KCNMA1: variants seen among roughly 807,000 people sequenced by gnomAD.
The protein encoded by KCNMA1 is potassium calcium-activated channel subfamily M alpha 1.
Under a neutral mutation model 140.0 loss-of-function variants are expected in KCNMA1, and 29 were observed. The observed-to-expected ratio is 0.21, with a 90% CI of 0.15 to 0.28. KCNMA1 has a LOEUF of 0.28. Ranked by LOEUF, KCNMA1 falls within the 10% of genes least tolerant of loss-of-function variation. KCNMA1 has a pLI of 1.00. For missense variants in KCNMA1, 880 were observed against 1,602.2 expected (o/e 0.55, Z 7.70); for synonymous variants, 612 against 611.9 (o/e 1.00, Z 0.00).
intron 1 of KCNMA1, among the ~76,000 whole-genome samples, chr10:77,586,878 T>C (rs987363845): frequency 6.6e-6 from 1 of 152,218 alleles, no homozygotes; most frequent in African/African-American, 2.4e-5. Context: ...GATCTGTTTT[T>C]ATTGCTGGAC....
intron 5 of KCNMA1, among the ~76,000 whole-genome samples, chr10:77,158,543 C>T (rs969356064): frequency 2.0e-5 from 3 of 152,080 alleles, no homozygotes; most frequent in African/African-American, 4.8e-5. Context: ...CATAGTCCCC[C>T]CCTCCATGAT....
chr10:77,027,822 C>T lies in KCNMA1; in HGVS notation c.1928+1G>A. The T allele has an allele frequency of 1.2e-6, 2 of 1,613,760 alleles. No individual in the cohort carries two copies. Among genetic ancestry groups the T allele is most frequent in the Non-Finnish European group, 1.7e-6 (2 of 1,179,724 alleles). On this transcript the variant is annotated splice_donor_variant, in intron 16 of 27. Transcript: ENST00000286628. LOFTEE classifies it high-confidence loss of function. ...TGGCTGCTGGGTCACCGCAAACTTA[C>T]CGGCTCTCTCGGTTGGCAGACTTGT...
chr10:77,452,236 G>A (rs750388913), intron 1 of KCNMA1, among the ~76,000 whole-genome samples: 1 of 152,174 alleles, frequency 6.6e-6, no homozygotes, highest in Non-Finnish European at 1.5e-5. Context: ...TCCTGGTCAT[G>A]TCCCATACCT....
At chr10:77,057,385 T>C (rs191501821) in intron 14 of KCNMA1, among the ~76,000 whole-genome samples, 35 of 152,256 alleles carry the variant, frequency 2.3e-4, no homozygotes, top group Admixed American at 2.0e-3. Flanking sequence ...TGCCAGAGCA[T>C]GGCTCTGAAG....
chr10:77,075,502 AG>A (rs1345640489), intron 13 of KCNMA1, among the ~76,000 whole-genome samples: 1 of 152,212 alleles, frequency 6.6e-6, no homozygotes, highest in Non-Finnish European at 1.5e-5. Context: ...AAAACCTTTC[AG>A]AGAAAGTCTC....
At chr10:76,878,372 G>A (rs1460255335) in intron 29 of KCNMA1, among the ~76,000 whole-genome samples, 1 of 152,158 alleles carries the variant, frequency 6.6e-6, no homozygotes, top group Admixed American at 6.5e-5. Context: ...CCACCTCCCA[G>A]CCTTTTCTTG....
intron 23 of KCNMA1, among the ~76,000 whole-genome samples, chr10:76,916,035 CACACACACACAT>C (rs1447139187): frequency 1.3e-4 from 20 of 151,522 alleles, no homozygotes; most frequent in African/African-American, 4.9e-4. Context: ...CACACACACA[CACACACACACAT>C]ACACAAATGT....
Position 76,952,036 on chromosome 10 carries a change from C to A in KCNMA1, c.2484+1765G>T, listed in dbSNP as rs778367842. ...TTCATAGGATAGAAGTAGTAACTCACCTCCTTAAACTTTTTTATGCTGGCA... is the reference window on the plus strand; with the variant it reads ...TTCATAGGATAGAAGTAGTAACTCAACTCCTTAAACTTTTTTATGCTGGCA... On this transcript the variant is annotated intron_variant, in intron 21 of 27. Coordinates refer to ENST00000286628, the MANE Select transcript of KCNMA1 (RefSeq NM_001161352.2). 3 of 1,552,052 alleles carry A rather than the reference C, an allele frequency of 1.9e-6. No homozygotes were observed. The East Asian group carries it at 7.3e-5, about 38-fold the overall frequency.
chr10:77,273,180 T>C (rs911924962), intron 2 of KCNMA1, among the ~76,000 whole-genome samples: 9 of 152,226 alleles, frequency 5.9e-5, no homozygotes, highest in Non-Finnish European at 1.2e-4. Flanking sequence ...GATGTAAATA[T>C]ACATTCATCT....
At chr10:77,124,991 T>C (rs955004448) in intron 5 of KCNMA1, among the ~76,000 whole-genome samples, 2 of 152,032 alleles carry the variant, frequency 1.3e-5, no homozygotes, top group Non-Finnish European at 2.9e-5. Context: ...AGGAGAAGTG[T>C]TGAGCATAAG....
chr10:77,324,388 A>G (rs1281804395), intron 2 of KCNMA1, among the ~76,000 whole-genome samples: 1 of 152,206 alleles, frequency 6.6e-6, no homozygotes, highest in Non-Finnish European at 1.5e-5. Context: ...TAAAGTACCC[A>G]GTACCAAGCC....
At chr10:77,473,757 C>G (rs1263225631) in intron 1 of KCNMA1, among the ~76,000 whole-genome samples, 1 of 152,184 alleles carries the variant, frequency 6.6e-6, no homozygotes, top group Non-Finnish European at 1.5e-5. Flanking sequence ...TCTGAGACCT[C>G]CTGGTCACCT....
At chr10:77,325,329 G>A (rs977723217) in intron 2 of KCNMA1, among the ~76,000 whole-genome samples, 3 of 152,222 alleles carry the variant, frequency 2.0e-5, no homozygotes, top group East Asian at 3.9e-4. Context: ...ACTGGGCGTC[G>A]AGGAGAGCAG....
intron 2 of KCNMA1, among the ~76,000 whole-genome samples, chr10:77,358,833 C>T (rs770418333): frequency 6.6e-5 from 10 of 152,210 alleles, no homozygotes; most frequent in Non-Finnish European, 8.8e-5. Context: ...CCTACAAGTA[C>T]GAGTGAATCC....
chr10:77,034,999 C>T (rs567250603), intron 15 of KCNMA1, among the ~76,000 whole-genome samples: 1 of 152,122 alleles, frequency 6.6e-6, no homozygotes, highest in South Asian at 2.1e-4. Context: ...TCCAGCCCCT[C>T]CCCTCCCCTC....
intron 14 of KCNMA1, among the ~76,000 whole-genome samples, chr10:77,039,882 TC>T (rs1720231682): frequency 9.7e-6 from 1 of 103,548 alleles, no homozygotes; most frequent in African/African-American, 3.9e-5. Flanking sequence ...TTTTTCTTTT[TC>T]TTTTTTTTTT....
At chr10:76,978,975 G>A (rs1225533781) in intron 19 of KCNMA1, among the ~76,000 whole-genome samples, 2 of 151,964 alleles carry the variant, frequency 1.3e-5, no homozygotes, top group Non-Finnish European at 2.9e-5. Flanking sequence ...TGAAAATATT[G>A]CATGAAACTA....
At chr10:77,447,438 C>T (rs1253664498) in intron 1 of KCNMA1, among the ~76,000 whole-genome samples, 1 of 152,218 alleles carries the variant, frequency 6.6e-6, no homozygotes, top group Non-Finnish European at 1.5e-5. Flanking sequence ...ATGTTTCTGC[C>T]ACAAAAGGTG....
intron 1 of KCNMA1, among the ~76,000 whole-genome samples, chr10:77,579,455 T>C (rs568620662): frequency 1.3e-5 from 2 of 152,334 alleles, no homozygotes; most frequent in South Asian, 2.1e-4. Flanking sequence ...TGAATGCAGA[T>C]GGCTCTTTCC....
Sources: gnomAD v4.1 joint callset for allele counts (sites outside exome capture counted in the v4.1 genomes callset) on GRCh38, gnomAD v4.1.1 for gene constraint, MANE v1.5 for transcripts, NCBI Gene and HGNC (gene_info 2026-07-23, HGNC 2026-07-21) for gene names.